Variants in ARFGEF1 observed in about 807,000 individuals in gnomAD.
The protein encoded by ARFGEF1 is brefeldin A-inhibited guanine nucleotide-exchange protein 1.
ARFGEF1 carries 42 observed loss-of-function variants against 231.0 expected under a neutral mutation model. The observed-to-expected ratio is 0.18, with a 90% CI of 0.14 to 0.24. ARFGEF1 has a LOEUF of 0.24. Among genes scored for constraint, ARFGEF1 ranks in the 10% least tolerant of loss-of-function variants. The pLI is 1.00. For missense variants in ARFGEF1, 1,345 were observed against 2,192.0 expected (o/e 0.61, Z 7.72); for synonymous variants, 710 against 732.3 (o/e 0.97, Z 0.49).
intron 7 of ARFGEF1, among the ~76,000 whole-genome samples, chr8:67,278,947 T>C (rs1009999903): frequency 2.6e-5 from 4 of 151,852 alleles, no homozygotes; most frequent in Non-Finnish European, 4.4e-5. Flanking sequence ...AATACCACTA[T>C]AGCTTTTATA....
At chr8:67,189,947 C>T (rs746248564) in intron 5 of ARFGEF1, among the ~76,000 whole-genome samples, 25 of 152,066 alleles carry the variant, frequency 1.6e-4, no homozygotes, top group African/African-American at 3.4e-4. Context: ...GCAAAAAGAC[C>T]GACAATACCA....
chr8:67,244,242 C>CAA (rs34333039), intron 19 of ARFGEF1, among the ~76,000 whole-genome samples: 506 of 20,082 alleles, frequency 0.025, 127 homozygotes, highest in Non-Finnish European at 0.038. Flanking sequence ...GACTCCACCT[C>CAA]AAAAAAAAAA....
At chr8:67,190,209 GACGTATC>G (rs1339067884) in intron 5 of ARFGEF1, among the ~76,000 whole-genome samples, 1 of 152,190 alleles carries the variant, frequency 6.6e-6, no homozygotes, top group Non-Finnish European at 1.5e-5. Context: ...GACAAAATAT[GACGTATC>G]CATATGATGG....
Position 67,343,493 on chromosome 8 carries a change from C to A in ARFGEF1, c.-206G>T. The A allele has an allele frequency of 7.8e-7, 1 of 1,276,184 alleles. No homozygotes were observed. Among genetic ancestry groups the A allele is most frequent in the Non-Finnish European group, 9.9e-7 (1 of 1,007,530 alleles). 79.1% of individuals were successfully genotyped at this position (1,276,184 alleles called of 1,614,324 possible). A position where few individuals can be genotyped will look rare whatever the true frequency, so the allele number is the denominator to read the frequency against. On this transcript the variant is annotated 5_prime_UTR_variant, in exon 1 of 39. Transcript: ENST00000262215. ...GCGAAGGGCGTCGAGGTCCTCGCCG[C>A]CCCCAAGAAGCCGTACCTCGAGGGC...
At position 67,232,898 on chromosome 8, in the gene ARFGEF1, TG is replaced by T; in HGVS notation, c.3336del (p.Ile1113LeufsTer13). ...DWKQIASIQE[S>X]IGETSSQSVV... ...ACACTCTGAGAACTGGTTTCTCCAA[TG>T]GATTCCTGAATACTTGCTATCTGTT... On this transcript the variant is annotated frameshift_variant, in exon 23 of 39. Transcript: ENST00000262215. LOFTEE classifies it high-confidence loss of function. The T allele has an allele frequency of 6.2e-7, 1 of 1,611,358 alleles. No individual in the cohort carries two copies. Among genetic ancestry groups the T allele is most frequent in the Non-Finnish European group, 8.5e-7 (1 of 1,178,474 alleles).
chr8:67,319,886 C>T (rs1807498982), intron 1 of ARFGEF1, among the ~76,000 whole-genome samples: 1 of 152,002 alleles, frequency 6.6e-6, no homozygotes, highest in Non-Finnish European at 1.5e-5. Context: ...AAGACTTAGA[C>T]ATTCACCAAA....
chr8:67,190,370 G>A (rs1463831880), intron 5 of ARFGEF1, among the ~76,000 whole-genome samples: 2 of 152,190 alleles, frequency 1.3e-5, no homozygotes, highest in Non-Finnish European at 2.9e-5. Flanking sequence ...AGGTAAATCT[G>A]TTGAAACAGA....
intron 17 of ARFGEF1, among the ~76,000 whole-genome samples, chr8:67,255,301 T>C (rs80026715): frequency 0.1 from 15,334 of 152,286 alleles, 961 homozygotes; most frequent in African/African-American, 0.18. Flanking sequence ...CATTCTACTC[T>C]TGACTTTTAT....
At chr8:67,176,734 T>G (rs541868184) in intron 5 of ARFGEF1, among the ~76,000 whole-genome samples, 119 of 152,204 alleles carry the variant, frequency 7.8e-4, no homozygotes, top group Non-Finnish European at 1.4e-3. Context: ...CAGCAGCCAC[T>G]CCCCAACTTC....
At chr8:67,287,914 C>T (rs751841457) in intron 7 of ARFGEF1, 41 bp downstream of exon 7, 1 of 1,409,154 alleles carries the variant, frequency 7.1e-7, no homozygotes, top group South Asian at 1.4e-5. Context: ...CAGATGAAAT[C>T]CCATAGACAG....
chr8:67,271,824 A>G lies in ARFGEF1; in HGVS notation c.1450T>C (p.Tyr484His), dbSNP rs1805110616. Residue 484 changes from tyrosine (Y) to histidine (H), a missense_variant, in exon 10 of 39, where the codon TAT becomes CAT. This residue lies in a region of ARFGEF1 where 141 missense variants were observed against 259.9 expected (regional missense o/e 0.54). Coordinates refer to ENST00000262215, the MANE Select transcript of ARFGEF1 (RefSeq NM_006421.5). ...NEMFINAIKQYLCVALSKNGV... is the reference protein window; with the variant it reads ...NEMFINAIKQHLCVALSKNGV... Reference sequence around the variant, plus strand: ...TTTTTTGAGAGTGCAACACAAAGATACTGCTTAATAGCATTAATAAACATC... The same window carrying G: ...TTTTTTGAGAGTGCAACACAAAGATGCTGCTTAATAGCATTAATAAACATC... The G allele has an allele frequency of 6.2e-7, 1 of 1,613,798 alleles. No individual in the cohort carries two copies. The highest frequency in any genetic ancestry group is 8.5e-7 in the Non-Finnish European group (1 of 1,179,752).
Position 67,258,266 on chromosome 8 carries a change from C to T in ARFGEF1, c.2260G>A (p.Asp754Asn), listed in dbSNP as rs1840523213. ...ACTTCTTTGTTAAATTTATCATTATCTCCCAGGAACTCACCCACTTGAGTC... is the reference window on the plus strand; with the variant it reads ...ACTTCTTTGTTAAATTTATCATTATTTCCCAGGAACTCACCCACTTGAGTC... Reference protein sequence around the residue: ...DSTQVGEFLGDNDKFNKEVMY... With the variant: ...DSTQVGEFLGNNDKFNKEVMY... Residue 754 changes from aspartate (D) to asparagine (N), a missense_variant, in exon 16 of 39, where the codon GAT becomes AAT. Physicochemically the swap from Asp to Asn is conservative, Grantham distance 23. This residue lies in a region of ARFGEF1 where 105 missense variants were observed against 159.3 expected (regional missense o/e 0.66). Coordinates refer to ENST00000262215, the MANE Select transcript of ARFGEF1 (RefSeq NM_006421.5). 6.2e-7 allele frequency: 1 copy of T among 1,601,956 alleles called. No individual in the cohort carries two copies. The highest frequency in any genetic ancestry group is 1.3e-5 in the African/African-American group (1 of 74,798).
intron 23 of ARFGEF1, among the ~76,000 whole-genome samples, chr8:67,231,809 C>T (rs775374698): frequency 6.6e-6 from 1 of 151,934 alleles, no homozygotes; most frequent in Non-Finnish European, 1.5e-5. Flanking sequence ...AAATTGAGGA[C>T]AAGAATACCC....
At chr8:67,228,839 T>A (rs879831125) in intron 23 of ARFGEF1, among the ~76,000 whole-genome samples, 18 of 152,094 alleles carry the variant, frequency 1.2e-4, no homozygotes, top group African/African-American at 4.3e-4. Flanking sequence ...TCTTCTTTGC[T>A]GAGCTCTTTT....
chr8:67,194,794 C>A (rs1837465359), downstream of ARFGEF1, among the ~76,000 whole-genome samples: 1 of 151,928 alleles, frequency 6.6e-6, no homozygotes, highest in African/African-American at 2.4e-5. Flanking sequence ...TGCGTACAAT[C>A]AATCAGATTC....
At chr8:67,329,056 T>C (rs1050909876) in intron 1 of ARFGEF1, among the ~76,000 whole-genome samples, 1 of 151,894 alleles carries the variant, frequency 6.6e-6, no homozygotes, top group African/African-American at 2.4e-5. Flanking sequence ...TGAAACCCCG[T>C]CTCTACTAAA....
At position 67,263,444 on chromosome 8, in the gene ARFGEF1, C is replaced by A. The variant is rs529938836; in HGVS notation, c.2123+2562G>T. ...AAAGTCCTTCACTAGCACGCTAGCG[C>A]CAAGAGGAACAAGACAACAAAAAGT... On this transcript the variant is annotated intron_variant, in intron 14 of 38. Coordinates refer to ENST00000262215, the MANE Select transcript of ARFGEF1 (RefSeq NM_006421.5). Among the ~76,000 whole-genome samples, 5 of 152,250 alleles carry A rather than the reference C, an allele frequency of 3.3e-5. No homozygotes were observed. The South Asian group carries it at 1.0e-3, about 32-fold the overall frequency.
At chr8:67,205,861 A>AAAATAAATAAAT (rs202104244) in intron 34 of ARFGEF1, among the ~76,000 whole-genome samples, 2 of 150,240 alleles carry the variant, frequency 1.3e-5, no homozygotes, top group African/African-American at 5.0e-5. Flanking sequence ...CCGTCTCAAA[A>AAAATAAATAAAT]AAATAAATAA....
At chr8:67,304,910 A>AT (rs2128917850) in intron 1 of ARFGEF1, among the ~76,000 whole-genome samples, 1 of 152,366 alleles carries the variant, frequency 6.6e-6, no homozygotes, top group East Asian at 1.9e-4. Context: ...AGTATTCTTC[A>AT]TTTAAAAAAA....
Sources: allele counts gnomAD v4.1 joint callset (sites outside exome capture counted in the v4.1 genomes callset), GRCh38; gene constraint gnomAD v4.1.1; regional missense constraint gnomAD v4.1.1; transcripts MANE v1.5; gene names NCBI Gene and HGNC (gene_info 2026-07-23, HGNC 2026-07-21).